TFB1M: variants seen among roughly 807,000 people sequenced by gnomAD.
The protein encoded by TFB1M is transcription factor B1, mitochondrial, also known as dimethyladenosine transferase 1, mitochondrial.
TFB1M carries 27 observed loss-of-function variants against 31.1 expected under a neutral mutation model. That is an observed-to-expected ratio of 0.87 (90% CI 0.64 to 1.20). The LOEUF (loss-of-function observed/expected upper bound fraction) is 1.20. Ranked by LOEUF, TFB1M falls within the 50% of genes most tolerant of loss-of-function variation. The probability of loss-of-function intolerance (pLI) is 0.00; values close to 1 mark genes in which losing one functional copy is unlikely to be tolerated. For missense variants in TFB1M, 394 were observed against 418.7 expected (o/e 0.94, Z 0.51); for synonymous variants, 166 against 151.8 (o/e 1.09, Z -0.69).
At chr6:155,260,584 A>T in intron 5 of TFB1M, 184 bp from the exon 6 acceptor site, 1 of 721,658 alleles carries the variant, frequency 1.4e-6, no homozygotes, top group South Asian at 1.6e-5. Context: ...TTCGCAAATG[A>T]CATGGAGAAA....
chr6:155,234,444 T>G, the TFB1M span, among the ~76,000 whole-genome samples: 1 of 152,270 alleles, frequency 6.6e-6, no homozygotes, highest in Non-Finnish European at 1.5e-5. Flanking sequence ...AATCTTTTTA[T>G]CTTTTGTAAA....
intron 4 of TFB1M, among the ~76,000 whole-genome samples, chr6:155,288,036 T>A (rs1194970087): frequency 1.3e-5 from 2 of 152,212 alleles, no homozygotes; most frequent in South Asian, 2.1e-4. Flanking sequence ...TGCACACACA[T>A]AGTCTAATCA....
chr6:155,241,106 G>T, the TFB1M span, among the ~76,000 whole-genome samples: 1 of 152,226 alleles, frequency 6.6e-6, no homozygotes, highest in Non-Finnish European at 1.5e-5. Context: ...AGTCTTGGCG[G>T]TGGCCCGGGC....
At chr6:155,309,687 T>G (rs1777936931) in intron 2 of TFB1M, among the ~76,000 whole-genome samples, 1 of 152,156 alleles carries the variant, frequency 6.6e-6, no homozygotes, top group Non-Finnish European at 1.5e-5. Context: ...AAAAGTCAGG[T>G]GAGTATTCCC....
At chr6:155,252,413 G>T (rs1213349476), downstream of TFB1M, among the ~76,000 whole-genome samples, 2 of 152,226 alleles carry the variant, frequency 1.3e-5, no homozygotes, top group African/African-American at 4.8e-5. Flanking sequence ...AAGCTGCAGT[G>T]AGCCTTGATC....
the TFB1M span, chr6:155,240,404 G>A: frequency 2.1e-6 from 2 of 966,142 alleles, no homozygotes; most frequent in Non-Finnish European, 3.0e-6. Flanking sequence ...GAAACCCTTT[G>A]CCCTACACAG....
At chr6:155,236,371 C>T in the TFB1M span, among the ~76,000 whole-genome samples, 1 of 151,930 alleles carries the variant, frequency 6.6e-6, no homozygotes, top group African/African-American at 2.4e-5. Flanking sequence ...TTTTAAGAAA[C>T]ACCCATGACA....
At chr6:155,246,928 C>T in the TFB1M span, among the ~76,000 whole-genome samples, 1 of 152,246 alleles carries the variant, frequency 6.6e-6, no homozygotes, top group Non-Finnish European at 1.5e-5. Flanking sequence ...CATCCAGTGC[C>T]AACTGGTGGA....
rs1242434628 is a variant in TFB1M at position 155,305,351 on chromosome 6, AT to A, written c.285+5836del. Among the ~76,000 whole-genome samples, 4 of 35,524 alleles carry A rather than the reference AT, an allele frequency of 1.1e-4. 2 individuals are homozygous for A. The highest frequency in any genetic ancestry group is 1.8e-4 in the Non-Finnish European group (4 of 22,400). 23.3% of individuals were successfully genotyped at this position (35,524 alleles called of 152,430 possible). On this transcript the variant is annotated intron_variant, in intron 2 of 6. Coordinates refer to ENST00000367166, the MANE Select transcript of TFB1M (RefSeq NM_016020.4). ...ATTTATATATATAAATATATATTAA[AT>A]TGTATATTTATATATATAAATATAT...
At chr6:155,259,636 A>C (rs978147959) in intron 6 of TFB1M, among the ~76,000 whole-genome samples, 3 of 152,258 alleles carry the variant, frequency 2.0e-5, no homozygotes, top group Non-Finnish European at 4.4e-5. Context: ...GTAGATGGAA[A>C]TCTTTTACAA....
intron 5 of TFB1M, chr6:155,264,258 A>T (rs1313890020): frequency 6.6e-6 from 1 of 152,222 alleles, no homozygotes; most frequent in Non-Finnish European, 1.5e-5. Flanking sequence ...ACTTTAGGAC[A>T]TCACGGGCCT....
At position 155,285,293 on chromosome 6, in the gene TFB1M, A is replaced by C; in HGVS notation, c.547-16T>G. ...CTGCAAGTCTCTAGAGAGAGACAAA[A>C]ATGAATTTTAGCAAATAATTAGTCC... On this transcript the variant is annotated splice_polypyrimidine_tract_variant and intron_variant, in intron 4 of 6. Transcript: ENST00000367166. The C allele has an allele frequency of 1.2e-6, 2 of 1,613,554 alleles. No individual in the cohort carries two copies. The highest frequency in any genetic ancestry group is 1.7e-6 in the Non-Finnish European group (2 of 1,179,606).
intron 5 of TFB1M, among the ~76,000 whole-genome samples, chr6:155,263,636 T>C (rs1215523005): frequency 6.6e-6 from 1 of 152,124 alleles, no homozygotes; most frequent in Non-Finnish European, 1.5e-5. Context: ...GCTAAGGAGA[T>C]ATTAAATCTT....
At chr6:155,249,989 C>G in the TFB1M span, 2 of 1,587,424 alleles carry the variant, frequency 1.3e-6, no homozygotes, top group Non-Finnish European at 1.7e-6. Context: ...ACATCTGCAC[C>G]CTGGGAGCCT....
At chr6:155,282,811 T>C (rs1315548005) in intron 5 of TFB1M, among the ~76,000 whole-genome samples, 2 of 151,910 alleles carry the variant, frequency 1.3e-5, no homozygotes, top group African/African-American at 4.8e-5. Flanking sequence ...CGCTGCAAGC[T>C]CCGCCTCCCG....
chr6:155,236,441 T>C, the TFB1M span, among the ~76,000 whole-genome samples: 1 of 152,048 alleles, frequency 6.6e-6, no homozygotes, highest in African/African-American at 2.4e-5. Context: ...GGTGGGCAGA[T>C]CACCTGAGGT....
chr6:155,250,746 T>C, the TFB1M span: 3 of 1,143,350 alleles, frequency 2.6e-6, no homozygotes, highest in Non-Finnish European at 3.7e-6. Context: ...GCTTAACTCA[T>C]ATTTTCAAAA....
At chr6:155,270,744 C>G (rs549126551) in intron 5 of TFB1M, among the ~76,000 whole-genome samples, 4 of 152,188 alleles carry the variant, frequency 2.6e-5, no homozygotes, top group Non-Finnish European at 5.9e-5. Flanking sequence ...AAGCTTATGT[C>G]TGCACTAACA....
chr6:155,258,005 C>T lies in TFB1M; in HGVS notation c.872G>A (p.Arg291Gln), dbSNP rs746305133. The change falls in exon 7 of 7, where the codon CGG becomes CAG. Residue 291 changes from arginine (R) to glutamine (Q), a missense_variant. By Grantham distance (43) the Arg-to-Gln change is conservative (BLOSUM62 1). Coordinates refer to ENST00000367166, the MANE Select transcript of TFB1M (RefSeq NM_016020.4). ...GTGTGAGATGGAGAGCTGGCGGGGC[C>T]GAAGAGTAGGGTCTATGTCTGCCAA... ...LELADIDPTL[R>Q]PRQLSISHFK... 38 of 1,614,068 alleles carry T rather than the reference C, an allele frequency of 2.4e-5. 1 individual carries two copies. Among genetic ancestry groups the T allele is most frequent in the South Asian group, 7.7e-5 (7 of 91,088 alleles).
Sources: gnomAD v4.1 joint callset for allele counts (sites outside exome capture counted in the v4.1 genomes callset) on GRCh38, gnomAD v4.1.1 for gene constraint, MANE v1.5 for transcripts, NCBI Gene and HGNC (gene_info 2026-07-23, HGNC 2026-07-21) for gene names.